ZNF765: variants seen among roughly 807,000 people sequenced by gnomAD.
The protein encoded by ZNF765 is zinc finger protein 765.
A neutral mutation model predicts 44.7 loss-of-function variants in ZNF765; 37 were observed. That is an observed-to-expected ratio of 0.83 (90% CI 0.64 to 1.09). The LOEUF (loss-of-function observed/expected upper bound fraction) is 1.09. Among genes scored for constraint, ZNF765 ranks in the 50% least tolerant of loss-of-function variants. The pLI, the probability that ZNF765 is intolerant of heterozygous loss-of-function variation, is 0.00. For synonymous variants in ZNF765, 201 were observed against 213.7 expected (o/e 0.94, Z 0.52); for missense variants, 594 against 626.1 (o/e 0.95, Z 0.55).
exon 4 of ZNF765, chr19:53,424,471 T>C (rs980466070): frequency 6.6e-6 from 1 of 151,874 alleles, no homozygotes; most frequent in African/African-American, 2.4e-5. Flanking sequence ...TGATACTCTG[T>C]CTCAAAAAAA....
chr19:53,397,124 T>C (rs1289783183), intron 1 of ZNF765, among the ~76,000 whole-genome samples: 1 of 152,200 alleles, frequency 6.6e-6, no homozygotes, highest in Non-Finnish European at 1.5e-5. Flanking sequence ...GACTGGAACA[T>C]GGGATAATTT....
chr19:53,421,436 C>T (rs1423519654), intron 3 of ZNF765, among the ~76,000 whole-genome samples: 1 of 152,242 alleles, frequency 6.6e-6, no homozygotes, highest in Non-Finnish European at 1.5e-5. Flanking sequence ...CTCAGCCTCT[C>T]GTCCCAACTG....
At chr19:53,401,712 C>G (rs1057049031) in intron 2 of ZNF765, among the ~76,000 whole-genome samples, 5 of 152,052 alleles carry the variant, frequency 3.3e-5, no homozygotes, top group Admixed American at 6.5e-5. Context: ...CCCGTTTCTG[C>G]TAAAAATACA....
chr19:53,414,336 G>T (rs909660087), downstream of ZNF765, among the ~76,000 whole-genome samples: 1 of 150,362 alleles, frequency 6.7e-6, no homozygotes, highest in Non-Finnish European at 1.5e-5. Flanking sequence ...TACATGGAGA[G>T]CAATATGTGA....
At position 53,409,354 on chromosome 19, in the gene ZNF765, G is replaced by A; in HGVS notation, c.*227G>A. On this transcript the variant is annotated 3_prime_UTR_variant, in exon 4 of 4. Coordinates refer to ENST00000396408, the MANE Select transcript of ZNF765 (RefSeq NM_001040185.3). The stretch of plus-strand genomic sequence containing the variant: ...TTTGTGTACCATCATAAACTTCATA[G>A]TGGAGAGACCTTACAAATGTGAAGA... The A allele has an allele frequency of 1.2e-6, 1 of 836,828 alleles. No homozygotes were observed. Among genetic ancestry groups the A allele is most frequent in the Non-Finnish European group, 2.1e-6 (1 of 480,334 alleles). 51.8% of individuals were successfully genotyped at this position (836,828 alleles called of 1,614,324 possible).
At chr19:53,398,420 G>A (rs1022625806) in intron 2 of ZNF765, among the ~76,000 whole-genome samples, 2 of 152,104 alleles carry the variant, frequency 1.3e-5, no homozygotes, top group African/African-American at 4.8e-5. Context: ...CAAAGTATGT[G>A]GTAAATTCTA....
chr19:53,395,918 AAAG>A (rs980465456), intron 1 of ZNF765, among the ~76,000 whole-genome samples: 19 of 152,288 alleles, frequency 1.2e-4, no homozygotes, highest in African/African-American at 4.3e-4. Flanking sequence ...CTGAGACAGA[AAAG>A]AAGAATAAAA....
chr19:53,426,566 C>G (rs1392356425), exon 4 of ZNF765: 2 of 152,416 alleles, frequency 1.3e-5, no homozygotes, highest in Non-Finnish European at 2.9e-5. Flanking sequence ...CTGTTAGGAA[C>G]TGGACCGCAC....
In ZNF765 at chr19:53,408,380, G is replaced by T. The variant is rs764939308; in HGVS notation, c.825G>T (p.Glu275Asp). 6.2e-7 allele frequency: 1 copy of T among 1,614,062 alleles called. No individual in the cohort carries two copies. ...GTGAGAAACCTTACAAGTGTAATGA[G>T]TGTGGCAAGACCTTCAGTCAGACAT... Reference protein sequence around the residue: ...HTGEKPYKCNECGKTFSQTYY... With the variant: ...HTGEKPYKCNDCGKTFSQTYY... Residue 275 changes from glutamate (E) to aspartate (D), a missense_variant, in exon 4 of 4, where the codon GAG becomes GAT. Transcript: ENST00000396408.
rs2085735142 is a variant in ZNF765, at chr19:53,402,274, T to TG, written c.142+84dup. On this transcript the variant is annotated intron_variant, in intron 3 of 3. Transcript: ENST00000396408. ...TTTTTTTTTTTTTTTTTTTTTTTTT[T>TG]GAGATGGAGTCTCGCTCTGTCGCCC... 2.6e-5 allele frequency: 27 copies of TG among 1,029,220 alleles called. No individual in the cohort carries two copies. The South Asian group carries it at 3.7e-4, about 14-fold the overall frequency. The allele number at this position is 1,029,220 out of a possible 1,614,324, so 63.8% of individuals were successfully genotyped here. A position where few individuals can be genotyped will look rare whatever the true frequency, so the allele number is the denominator to read the frequency against.
chr19:53,408,665 T>G lies in ZNF765; in HGVS notation c.1110T>G (p.Phe370Leu). Residue 370 changes from phenylalanine (F) to leucine (L), a missense_variant, in exon 4 of 4, where the codon TTT (phenylalanine) becomes TTG (leucine). Phe to Leu is a conservative substitution (Grantham distance 22). Around this residue, in one of 2 missense-constraint regions of ZNF765, gnomAD observed 567 missense variants for 572.6 expected, o/e 0.99. Coordinates refer to ENST00000396408, the MANE Select transcript of ZNF765 (RefSeq NM_001040185.3). ...AGACCTTTAGTCGGAAGTCACATTT[T>G]ACATGCCATCATAGAGTTCATACTG... is the stretch of plus-strand genomic sequence containing the variant. ...CGKTFSRKSHFTCHHRVHTGE... is the reference protein window; with the variant it reads ...CGKTFSRKSHLTCHHRVHTGE... The G allele has an allele frequency of 1.9e-6, 3 of 1,613,910 alleles. No individual in the cohort carries two copies. The highest frequency in any genetic ancestry group is 2.5e-6 in the Non-Finnish European group (3 of 1,179,908).
intron 3 of ZNF765, among the ~76,000 whole-genome samples, chr19:53,419,740 C>T (rs1309040168): frequency 9.9e-5 from 15 of 152,152 alleles, no homozygotes; most frequent in East Asian, 1.9e-4. Flanking sequence ...TAAATGTGGC[C>T]GGGGCAGTGG....
chr19:53,400,092 A>G (rs1478134109), intron 2 of ZNF765, among the ~76,000 whole-genome samples: 7 of 152,264 alleles, frequency 4.6e-5, no homozygotes, highest in South Asian at 4.1e-4. Context: ...GATTACAGGC[A>G]TGAGCCACCG....
chr19:53,401,002 C>A (rs10406071), intron 2 of ZNF765, among the ~76,000 whole-genome samples: 1 of 150,992 alleles, frequency 6.6e-6, no homozygotes, highest in Non-Finnish European at 1.5e-5. Flanking sequence ...CTCGCTAATT[C>A]GCTAATTTTT....
chr19:53,405,916 T>TAAA (rs2085769316), intron 3 of ZNF765, among the ~76,000 whole-genome samples: 2 of 57,334 alleles, frequency 3.5e-5, no homozygotes, highest in African/African-American at 9.2e-5. Flanking sequence ...TATATATATA[T>TAAA]ATATATATAT....
downstream of ZNF765, among the ~76,000 whole-genome samples, chr19:53,416,110 G>A (rs1016675535): frequency 3.3e-5 from 5 of 151,926 alleles, no homozygotes; most frequent in Non-Finnish European, 5.9e-5. Context: ...GTGCACCACC[G>A]TGCTGGCTAA....
intron 2 of ZNF765, among the ~76,000 whole-genome samples, chr19:53,398,360 G>C (rs1397235261): frequency 6.6e-6 from 1 of 152,160 alleles, no homozygotes; most frequent in East Asian, 1.9e-4. Context: ...TCAGCTCTCT[G>C]TAGACCAGGA....
rs897768153 is a variant in ZNF765, at chr19:53,396,229, G to A, written c.-74+1036G>A. 3.0e-4 allele frequency among the ~76,000 whole-genome samples: 45 copies of A among 151,164 alleles called. No homozygotes were observed. In the Middle Eastern group the frequency reaches 0.01, roughly 34 times the overall value. On this transcript the variant is annotated intron_variant, in intron 1 of 3. Transcript: ENST00000396408. ...GCAGGGAGGACACCTGGGGATCTGG[G>A]GTGCTAGAGAGTGGGGATGAGGGTA...
chr19:53,409,684 C>A lies in ZNF765; in HGVS notation c.*557C>A. 2.8e-6 allele frequency: 3 copies of A among 1,081,098 alleles called. No individual in the cohort carries two copies. Among genetic ancestry groups the A allele is most frequent in the Non-Finnish European group, 4.3e-6 (3 of 701,154 alleles). The allele number at this position is 1,081,098 out of a possible 1,614,324, so 67.0% of individuals were successfully genotyped here. On this transcript the variant is annotated 3_prime_UTR_variant, in exon 4 of 4. Coordinates refer to ENST00000396408, the MANE Select transcript of ZNF765 (RefSeq NM_001040185.3). ...CTTACACGCCATCGTAGACTTCATA[C>A]TGGAGGATACCTTACAAATGTAATG...
Sources: gnomAD v4.1 joint callset for allele counts (sites outside exome capture counted in the v4.1 genomes callset) on GRCh38, gnomAD v4.1.1 for gene constraint, gnomAD v4.1.1 regional missense constraint, MANE v1.5 for transcripts, NCBI Gene and HGNC (gene_info 2026-07-23, HGNC 2026-07-21) for gene names.